Variants in CFAP299 observed in about 807,000 individuals in gnomAD.
CFAP299 encodes cilia and flagella associated protein 299, also known as cilia- and flagella-associated protein 299.
Under a neutral mutation model 27.0 loss-of-function variants are expected in CFAP299, and 21 were observed. That is an observed-to-expected ratio of 0.78 (90% CI 0.55 to 1.12). The LOEUF (loss-of-function observed/expected upper bound fraction) is 1.12. CFAP299 is among the 50% of genes most tolerant of loss of function. The pLI, the probability that CFAP299 is intolerant of heterozygous loss-of-function variation, is 0.00. For missense variants in CFAP299, 310 were observed against 276.6 expected, an observed-to-expected ratio of 1.12 and a Z score of -0.86; for synonymous variants, 104 against 98.1, an observed-to-expected ratio of 1.06 and a Z score of -0.36.
chr4:80,794,352 C>A (rs1435171222), intron 3 of CFAP299, among the ~76,000 whole-genome samples: 1 of 152,276 alleles, frequency 6.6e-6, no homozygotes, highest in African/African-American at 2.4e-5. Flanking sequence ...GCTAGTGGAT[C>A]ATTAGGGGTG....
intron 3 of CFAP299, among the ~76,000 whole-genome samples, chr4:80,762,931 TTC>T (rs781459654): frequency 2.1e-4 from 32 of 152,330 alleles, no homozygotes; most frequent in Non-Finnish European, 4.0e-4. Flanking sequence ...ACAGCTCAAC[TTC>T]TTTCTCTTTC....
chr4:80,692,568 G>A (rs1720792787), intron 3 of CFAP299, among the ~76,000 whole-genome samples: 2 of 152,070 alleles, frequency 1.3e-5, no homozygotes, highest in Admixed American at 1.3e-4. Context: ...AGACTTAAAC[G>A]TTAGACCTAA....
chr4:80,949,091 G>C (rs1246506398), intron 5 of CFAP299, among the ~76,000 whole-genome samples: 1 of 152,112 alleles, frequency 6.6e-6, no homozygotes, highest in Non-Finnish European at 1.5e-5. Flanking sequence ...CTCAAATTAA[G>C]ATTATTGAAT....
chr4:80,741,287 C>T (rs1402976161), intron 3 of CFAP299, among the ~76,000 whole-genome samples: 1 of 152,080 alleles, frequency 6.6e-6, no homozygotes, highest in South Asian at 2.1e-4. Flanking sequence ...CTTGCTCTGT[C>T]GCCCAGGCTG....
chr4:80,323,443 T>C, the CFAP299 span, among the ~76,000 whole-genome samples: 5 of 152,342 alleles, frequency 3.3e-5, 1 homozygote, highest in South Asian at 1.0e-3. Flanking sequence ...ACCTTGATTT[T>C]CTAAAAACTA....
intron 2 of CFAP299, among the ~76,000 whole-genome samples, chr4:80,470,328 T>C (rs1729931470): frequency 6.6e-6 from 1 of 152,188 alleles, no homozygotes; most frequent in Non-Finnish European, 1.5e-5. Context: ...GAAAAAAATA[T>C]ATGAATGAAT....
chr4:80,851,778 G>C (rs983684527), intron 3 of CFAP299, among the ~76,000 whole-genome samples: 1 of 152,060 alleles, frequency 6.6e-6, no homozygotes, highest in Non-Finnish European at 1.5e-5. Context: ...CTGTTAAGCT[G>C]ATCTATTATT....
In CFAP299 at chr4:80,390,891, A is replaced by ACG. The variant is rs1491526904; in HGVS notation, c.242+28008_242+28009insGC. 7.6e-4 allele frequency among the ~76,000 whole-genome samples: 49 copies of ACG among 64,200 alleles called. 6 individuals are homozygous for ACG. Among genetic ancestry groups the ACG allele is most frequent in the South Asian group, 2.4e-3 (5 of 2,088 alleles). The allele number at this position is 64,200 out of a possible 152,430, so 42.1% of individuals were successfully genotyped here. On this transcript the variant is annotated intron_variant, in intron 2 of 5. Transcript: ENST00000358105. ...CGCACATATATGTATATATGTATAT[A>ACG]CACACATATGCATATATGTATATAC... is the stretch of plus-strand genomic sequence containing the variant.
chr4:80,439,418 C>T (rs1358566376), intron 2 of CFAP299, among the ~76,000 whole-genome samples: 1 of 152,164 alleles, frequency 6.6e-6, no homozygotes, highest in African/African-American at 2.4e-5. Flanking sequence ...CAGGGTAGGG[C>T]GTCACCTCAC....
At chr4:80,955,013 AAAAAAAAAAAAAAAAAAAAAAC>A (rs1368610617) in intron 5 of CFAP299, among the ~76,000 whole-genome samples, 1 of 133,410 alleles carries the variant, frequency 7.5e-6, no homozygotes, top group Non-Finnish European at 1.6e-5. Flanking sequence ...AAAAAAAAAA[AAAAAAAAAAAAAAAAAAAAAAC>A]GCACACATGG....
At chr4:80,386,623 A>G in intron 2 of CFAP299, 3 of 1,598,342 alleles carry the variant, frequency 1.9e-6, no homozygotes, top group Non-Finnish European at 2.6e-6. Context: ...CACAGCCAGC[A>G]TAGCGGAACT....
At chr4:80,889,011 C>CAAAAAAAAA (rs35328435) in intron 4 of CFAP299, among the ~76,000 whole-genome samples, 12 of 52,702 alleles carry the variant, frequency 2.3e-4, no homozygotes, top group African/African-American at 6.8e-4. Flanking sequence ...AGTGCCTAAG[C>CAAAAAAAAA]AAAAAAAAAA....
chr4:80,476,956 CAT>C (rs1491157222), intron 2 of CFAP299, among the ~76,000 whole-genome samples: 26,262 of 142,928 alleles, frequency 0.18, 3,531 homozygotes, highest in African/African-American at 0.39. Flanking sequence ...TGTGTGTGCG[CAT>C]GCGTGTGTGT....
chr4:80,531,758 T>G (rs938402705), intron 2 of CFAP299, among the ~76,000 whole-genome samples: 3 of 127,108 alleles, frequency 2.4e-5, no homozygotes, highest in East Asian at 3.5e-4. Context: ...TTTTTTTTTT[T>G]TTTTTTTTTT....
intron 3 of CFAP299, among the ~76,000 whole-genome samples, chr4:80,684,675 C>CTT (rs34231823): frequency 2.6e-5 from 4 of 151,758 alleles, no homozygotes; most frequent in South Asian, 2.1e-4. Flanking sequence ...GTTCTAAAAT[C>CTT]TTTTTTTTGT....
At position 80,944,854 on chromosome 4, in the gene CFAP299, C is replaced by T; in HGVS notation, c.521C>T (p.Pro174Leu). Reference protein sequence around the residue: ...DADIAVSNSSPNYQVIADNPE... With the variant: ...DADIAVSNSSLNYQVIADNPE... The stretch of plus-strand genomic sequence containing the variant: ...GATATTGCTGTTAGTAATTCAAGTC[C>T]CAACTATCAAGTGATTGCCGATAAT... Residue 174 changes from proline to leucine, a missense_variant, in exon 5 of 6, where the codon CCC becomes CTC. Physicochemically the swap from Pro to Leu is moderately conservative, Grantham distance 98. Coordinates refer to ENST00000358105, the MANE Select transcript of CFAP299 (RefSeq NM_152770.3). 4 of 1,610,786 alleles carry T rather than the reference C, an allele frequency of 2.5e-6. No homozygotes were observed. The highest frequency in any genetic ancestry group is 3.4e-6 in the Non-Finnish European group (4 of 1,177,588).
At chr4:80,893,780 A>G (rs533112955) in intron 4 of CFAP299, among the ~76,000 whole-genome samples, 2 of 151,728 alleles carry the variant, frequency 1.3e-5, no homozygotes, top group South Asian at 2.1e-4. Flanking sequence ...TGACATAGGG[A>G]AAAAGCTTCT....
intron 3 of CFAP299, among the ~76,000 whole-genome samples, chr4:80,854,810 GAAAAAAAAA>G (rs58533748): frequency 6.9e-5 from 3 of 43,380 alleles, no homozygotes; most frequent in Non-Finnish European, 9.4e-5. Flanking sequence ...CTGTTGCTAT[GAAAAAAAAA>G]AAAAAAAAAA....
chr4:80,489,727 T>C (rs1039788973), intron 2 of CFAP299, among the ~76,000 whole-genome samples: 3 of 152,194 alleles, frequency 2.0e-5, no homozygotes, highest in African/African-American at 7.2e-5. Context: ...TCTCTGACTG[T>C]TGTACCATAG....
Sources: gnomAD v4.1 joint callset for allele counts (sites outside exome capture counted in the v4.1 genomes callset) on GRCh38, gnomAD v4.1.1 for gene constraint, MANE v1.5 for transcripts, NCBI Gene and HGNC (gene_info 2026-07-23, HGNC 2026-07-21) for gene names.